The following ZNF223 variants were observed in gnomAD, a reference collection of about 807,000 sequenced individuals.
ZNF223 encodes the protein zinc finger protein 223, also known as Homo sapiens zinc finger protein 223.
In ZNF223, 9 loss-of-function variants were observed where a neutral mutation model predicts 12.3. The ratio of observed to expected loss-of-function variants is 0.73; its 90% CI spans 0.44 to 1.28. ZNF223 has a LOEUF of 1.28. Ranked by LOEUF, ZNF223 falls within the 50% of genes most tolerant of loss-of-function variation. ZNF223 has a pLI of 0.00. For synonymous variants in ZNF223, 171 were observed against 195.2 expected (o/e 0.88, Z 1.03); for missense variants, 506 against 579.0 (o/e 0.87, Z 1.29).
At chr19:44,059,057 G>A (rs1002518478) in intron 2 of ZNF223, among the ~76,000 whole-genome samples, 1 of 152,222 alleles carries the variant, frequency 6.6e-6, no homozygotes, top group Non-Finnish European at 1.5e-5. Context: ...AGGCTCAGGT[G>A]CACACAGCAC....
At chr19:44,052,737 C>T (rs1976718577) in intron 1 of ZNF223, among the ~76,000 whole-genome samples, 1 of 152,032 alleles carries the variant, frequency 6.6e-6, no homozygotes, top group African/African-American at 2.4e-5. Flanking sequence ...CTTTCTGCAG[C>T]AAGGAAGCCC....
chr19:44,066,089 G>A lies in ZNF223; in HGVS notation c.261G>A (p.Lys87=). 1 of 1,600,472 alleles carries A rather than the reference G, an allele frequency of 6.2e-7. No individual in the cohort carries two copies. The highest frequency in any genetic ancestry group is 1.1e-5 in the South Asian group (1 of 88,870). Residue 87 remains lysine (K), a synonymous_variant, in exon 5 of 5, where the codon AAG becomes AAA. Coordinates refer to ENST00000434772, the MANE Select transcript of ZNF223 (RefSeq NM_013361.6). ...NSGGKIQPEM[K]TFPEAGPHEG... is the part of the protein sequence containing the mutation. ...GAGGCAAGATCCAACCTGAGATGAA[G>A]ACTTTTCCAGAAGCAGGACCACATG...
chr19:44,066,107 A>G lies in ZNF223; in HGVS notation c.279A>G (p.Gly93=). 1 of 1,607,788 alleles carries G rather than the reference A, an allele frequency of 6.2e-7. No individual in the cohort carries two copies. ...AGATGAAGACTTTTCCAGAAGCAGGACCACATGAAGGGTGGTCCTGCCAGC... is the reference window on the plus strand; with the variant it reads ...AGATGAAGACTTTTCCAGAAGCAGGGCCACATGAAGGGTGGTCCTGCCAGC... ...QPEMKTFPEA[G]PHEGWSCQQI... The change falls in exon 5 of 5, where the codon GGA becomes GGG. Residue 93 remains glycine, a synonymous_variant. Transcript: ENST00000434772.
chr19:44,058,374 A>G (rs1361126774), intron 2 of ZNF223, among the ~76,000 whole-genome samples: 1 of 152,048 alleles, frequency 6.6e-6, no homozygotes, highest in Non-Finnish European at 1.5e-5. Context: ...GACTGACACA[A>G]TCTCTGCCAA....
Position 44,066,561 on chromosome 19 carries a change from T to C in ZNF223, c.733T>C (p.Ser245Pro), listed in dbSNP as rs747142388. The change falls in exon 5 of 5, where the codon TCA (serine) becomes CCA (proline). Residue 245 changes from serine (S) to proline (P), a missense_variant. Coordinates refer to ENST00000434772, the MANE Select transcript of ZNF223 (RefSeq NM_013361.6). ...ATGTGGGAGAGGCTTCAGATGTAGA[T>C]CAGCACTTACAGTTCATTGCAAATT... ...EQCGRGFRCR[S>P]ALTVHCKLHM... 1.9e-6 allele frequency: 3 copies of C among 1,614,034 alleles called. No individual in the cohort carries two copies. The highest frequency in any genetic ancestry group is 4.5e-5 in the East Asian group (2 of 44,890).
At chr19:44,054,447 A>G (rs952242918) in intron 1 of ZNF223, among the ~76,000 whole-genome samples, 6 of 151,898 alleles carry the variant, frequency 4.0e-5, no homozygotes, top group Non-Finnish European at 7.4e-5. Context: ...TTTCTCCTCT[A>G]TTGGTTCATT....
chr19:44,063,866 C>T (rs1216657134), intron 4 of ZNF223, among the ~76,000 whole-genome samples: 1 of 152,114 alleles, frequency 6.6e-6, no homozygotes, highest in Non-Finnish European at 1.5e-5. Context: ...CATCTGTTTT[C>T]ACTTAGGGCT....
chr19:44,065,921 C>A (rs549380734), intron 4 of ZNF223, 143 bp from the exon 5 acceptor site: 2 of 1,383,440 alleles, frequency 1.4e-6, no homozygotes, highest in East Asian at 2.5e-5. Flanking sequence ...AGATTACTCT[C>A]ATGCAAACCA....
chr19:44,067,559 C>T lies in ZNF223; in HGVS notation c.*282C>T, dbSNP rs1035041025. 3.8e-5 allele frequency: 17 copies of T among 444,064 alleles called. No homozygotes were observed. Among genetic ancestry groups the T allele is most frequent in the Non-Finnish European group, 6.9e-5 (16 of 233,534 alleles). The allele number at this position is 444,064 out of a possible 1,614,324, so 27.5% of individuals were successfully genotyped here. Reference sequence around the variant, plus strand: ...CCACCTATCCCTTACCCTTCCCTGCCTCTAGAGCCACTGTTCTCACTACTT... The same window carrying T: ...CCACCTATCCCTTACCCTTCCCTGCTTCTAGAGCCACTGTTCTCACTACTT... On this transcript the variant is annotated 3_prime_UTR_variant, in exon 5 of 5. Transcript: ENST00000434772.
At chr19:44,060,397 C>T (rs1674095577) in intron 2 of ZNF223, 58 bp from the exon 3 acceptor site, 1 of 1,598,382 alleles carries the variant, frequency 6.3e-7, no homozygotes, top group East Asian at 2.2e-5. Context: ...CTCAATGTTC[C>T]TTCTCTCCCA....
chr19:44,060,142 C>G (rs982700796), intron 2 of ZNF223, among the ~76,000 whole-genome samples: 2 of 152,186 alleles, frequency 1.3e-5, no homozygotes, highest in African/African-American at 4.8e-5. Flanking sequence ...TAGCAAGGTT[C>G]ATTGAAACCT....
Position 44,066,061 on chromosome 19 carries a change from TAGG to T in ZNF223, c.237_239del (p.Gly80del). 6.3e-7 allele frequency: 1 copy of T among 1,578,224 alleles called. No individual in the cohort carries two copies. Among genetic ancestry groups the T allele is most frequent in the East Asian group, 2.2e-5 (1 of 44,758 alleles). ...CTGATCTCTTAATTTTGTATTCTGA[TAGG>T]AGGCAAGATCCAACCTGAGATGAAG... is the stretch of plus-strand genomic sequence containing the variant. On this transcript the variant is annotated splice_acceptor_variant and coding_sequence_variant, in exon 5 of 5. Coordinates refer to ENST00000434772, the MANE Select transcript of ZNF223 (RefSeq NM_013361.6). LOFTEE classifies it high-confidence loss of function.
chr19:44,054,911 T>G (rs1035622179), intron 1 of ZNF223, among the ~76,000 whole-genome samples, 198 bp from the exon 2 acceptor site: 1 of 152,168 alleles, frequency 6.6e-6, no homozygotes, highest in African/African-American at 2.4e-5. Flanking sequence ...CAAATAAGAT[T>G]CCATTGTATG....
intron 2 of ZNF223, among the ~76,000 whole-genome samples, chr19:44,056,100 CCT>C (rs1976759255): frequency 6.6e-6 from 1 of 152,044 alleles, no homozygotes; most frequent in African/African-American, 2.4e-5. Flanking sequence ...GTTGGTGTGA[CCT>C]CTTCTTTTCC....
chr19:44,059,193 C>T (rs1358969212), intron 2 of ZNF223, among the ~76,000 whole-genome samples: 1 of 152,168 alleles, frequency 6.6e-6, no homozygotes, highest in Non-Finnish European at 1.5e-5. Flanking sequence ...TTCATGCGGC[C>T]CTTACAGAGA....
At chr19:44,056,874 C>T (rs1325008083) in intron 2 of ZNF223, among the ~76,000 whole-genome samples, 3 of 152,008 alleles carry the variant, frequency 2.0e-5, no homozygotes, top group East Asian at 1.9e-4. Context: ...GGATTACAAG[C>T]GTGAACCACC....
chr19:44,051,776 G>A (rs962864225), upstream of ZNF223: 5 of 152,262 alleles, frequency 3.3e-5, no homozygotes, highest in Admixed American at 6.5e-5. Flanking sequence ...CAGACACCTT[G>A]CGGGATTCCT....
At chr19:44,056,541 A>AC (rs1247385705) in intron 2 of ZNF223, among the ~76,000 whole-genome samples, 1 of 148,844 alleles carries the variant, frequency 6.7e-6, no homozygotes, top group Non-Finnish European at 1.5e-5. Context: ...CAAAAAAAAA[A>AC]AAAAAATCCC....
chr19:44,066,197 G>A lies in ZNF223; in HGVS notation c.369G>A (p.Gln123=). The A allele has an allele frequency of 6.2e-7, 1 of 1,614,196 alleles. No homozygotes were observed. Among genetic ancestry groups the A allele is most frequent in the Non-Finnish European group, 8.5e-7 (1 of 1,180,034 alleles). ...AAGACTCTACCATAAAGAGCTCTCA[G>A]TTCTTTGAACAGGGTGATGCCCACT... ...RPQDSTIKSS[Q]FFEQGDAHSQ... is the part of the protein sequence containing the mutation. Residue 123 remains glutamine, a synonymous_variant, in exon 5 of 5, where the codon CAG becomes CAA. Transcript: ENST00000434772.
Sources: gnomAD v4.1 joint callset for allele counts (sites outside exome capture counted in the v4.1 genomes callset) on GRCh38, gnomAD v4.1.1 for gene constraint, MANE v1.5 for transcripts, NCBI Gene and HGNC (gene_info 2026-07-23, HGNC 2026-07-21) for gene names.